Variants in LUZP2 observed in about 807,000 individuals in gnomAD.
The protein encoded by LUZP2 is leucine zipper protein 2.
A neutral mutation model predicts 51.6 loss-of-function variants in LUZP2; 52 were observed. That is an observed-to-expected ratio of 1.01 (90% CI 0.81 to 1.27). LUZP2 has a LOEUF of 1.27. LUZP2 is among the 50% of genes most tolerant of loss of function. The pLI is 0.00. For synonymous variants in LUZP2, 154 were observed against 137.3 expected (o/e 1.12, Z -0.85); for missense variants, 436 against 395.4 (o/e 1.10, Z -0.87).
intron 7 of LUZP2, among the ~76,000 whole-genome samples, chr11:24,922,535 T>C (rs1854091612): frequency 6.6e-6 from 1 of 152,198 alleles, no homozygotes; most frequent in Non-Finnish European, 1.5e-5. Flanking sequence ...AGCAAAATGC[T>C]TTTCAGTGCC....
intron 6 of LUZP2, among the ~76,000 whole-genome samples, chr11:24,906,916 C>CAAGTTA (rs1478111829): frequency 1.3e-5 from 2 of 152,160 alleles, no homozygotes; most frequent in Non-Finnish European, 2.9e-5. Context: ...GTTGCTTACA[C>CAAGTTA]AAGTTAAAAC....
At chr11:24,675,767 A>C (rs1590332577) in intron 1 of LUZP2, among the ~76,000 whole-genome samples, 4 of 145,296 alleles carry the variant, frequency 2.8e-5, no homozygotes, top group Admixed American at 6.9e-5. Flanking sequence ...TCTCCTAATT[A>C]GTTTTCATAT....
At chr11:25,012,860 C>T (rs537859090) in intron 9 of LUZP2, among the ~76,000 whole-genome samples, 3 of 152,188 alleles carry the variant, frequency 2.0e-5, no homozygotes, top group African/African-American at 7.2e-5. Context: ...ATATAGGCAT[C>T]GCACTACTGG....
At chr11:24,926,637 GTA>G (rs545404190) in intron 7 of LUZP2, among the ~76,000 whole-genome samples, 3,320 of 135,218 alleles carry the variant, frequency 0.025, 54 homozygotes, top group South Asian at 0.053. Context: ...GTGTATATAT[GTA>G]TATATATATA....
At chr11:24,501,495 T>C (rs971283458) in intron 1 of LUZP2, among the ~76,000 whole-genome samples, 8 of 152,196 alleles carry the variant, frequency 5.3e-5, no homozygotes, top group African/African-American at 1.9e-4. Flanking sequence ...CTGGTGTGTG[T>C]TATAAGAAAC....
In LUZP2 at chr11:24,517,316, TC is replaced by T. The variant is rs1413719482; in HGVS notation, c.62+20012del. On this transcript the variant is annotated intron_variant, in intron 1 of 11. Transcript: ENST00000336930. ...CTGGCTAACACAGTGAAACCCCGTCTCTACTAAACATACAAAAAGATTAGCT... is the reference window on the plus strand; with the variant it reads ...CTGGCTAACACAGTGAAACCCCGTCTTACTAAACATACAAAAAGATTAGCT... Among the ~76,000 whole-genome samples the T allele has an allele frequency of 3.3e-5, 5 of 151,456 alleles. No individual in the cohort carries two copies. In the South Asian group the frequency reaches 6.3e-4, roughly 19 times the overall value.
intron 7 of LUZP2, among the ~76,000 whole-genome samples, chr11:24,972,383 C>A (rs1000996152): frequency 3.3e-5 from 5 of 151,940 alleles, no homozygotes; most frequent in African/African-American, 1.2e-4. Context: ...TAATTTAATT[C>A]TCCCAACAAG....
At chr11:25,022,136 C>T (rs963045117) in intron 9 of LUZP2, among the ~76,000 whole-genome samples, 2 of 152,008 alleles carry the variant, frequency 1.3e-5, no homozygotes, top group Non-Finnish European at 2.9e-5. Flanking sequence ...ATTTTTAATG[C>T]CTTTGCTTGG....
intron 1 of LUZP2, among the ~76,000 whole-genome samples, chr11:24,680,340 G>A (rs546328296): frequency 5.3e-5 from 8 of 152,192 alleles, no homozygotes; most frequent in African/African-American, 1.9e-4. Flanking sequence ...ATGTCAGAAG[G>A]GTTTTACATT....
rs752904146 is a variant in LUZP2 at position 24,729,264 on chromosome 11, A to G, written c.158A>G (p.Asp53Gly). The G allele has an allele frequency of 3.9e-6, 6 of 1,552,338 alleles. No individual in the cohort carries two copies. The South Asian group carries it at 5.9e-5, about 15-fold the overall frequency. Reference sequence around the variant, plus strand: ...CTGACAAAGACATCAAGAGAACTTGATGGAATTAAAGTCAATCTTCAGGTG... The same window carrying G: ...CTGACAAAGACATCAAGAGAACTTGGTGGAATTAAAGTCAATCTTCAGGTG... ...RQLTKTSREL[D>G]GIKVNLQSLK... Residue 53 changes from aspartate (D) to glycine (G), a missense_variant, in exon 2 of 12, where the codon GAT becomes GGT. Asp to Gly is a moderately conservative substitution (Grantham distance 94). Coordinates refer to ENST00000336930, the MANE Select transcript of LUZP2 (RefSeq NM_001009909.4).
At chr11:24,897,990 C>A (rs1853139320) in intron 5 of LUZP2, among the ~76,000 whole-genome samples, 1 of 151,982 alleles carries the variant, frequency 6.6e-6, no homozygotes, top group Non-Finnish European at 1.5e-5. Context: ...TTGTATAGTA[C>A]ACTATGATAT....
intron 1 of LUZP2, among the ~76,000 whole-genome samples, chr11:24,595,502 G>A (rs1352758438): frequency 6.6e-6 from 1 of 152,132 alleles, no homozygotes; most frequent in Non-Finnish European, 1.5e-5. Flanking sequence ...TGCAGTCCAG[G>A]TTCTGCTGGA....
intron 10 of LUZP2, among the ~76,000 whole-genome samples, chr11:25,057,730 A>G (rs1858729080): frequency 6.6e-6 from 1 of 152,116 alleles, no homozygotes. Context: ...AAAAACAAGG[A>G]TGGCTTATGT....
intron 7 of LUZP2, among the ~76,000 whole-genome samples, chr11:24,948,416 C>T (rs1430672642): frequency 6.6e-6 from 1 of 151,498 alleles, no homozygotes; most frequent in African/African-American, 2.4e-5. Flanking sequence ...GCAATATCCA[C>T]CATGGGGCTT....
chr11:25,008,281 T>A (rs1213593486), intron 9 of LUZP2, among the ~76,000 whole-genome samples: 2 of 152,134 alleles, frequency 1.3e-5, no homozygotes, highest in Non-Finnish European at 2.9e-5. Context: ...GGTGGGTAGA[T>A]GAGGGAAAAG....
chr11:24,762,597 C>T (rs1860021218), intron 4 of LUZP2, among the ~76,000 whole-genome samples: 1 of 152,044 alleles, frequency 6.6e-6, no homozygotes, highest in African/African-American at 2.4e-5. Context: ...GTCTCAGTGA[C>T]TAGTGTACTC....
chr11:24,942,546 A>T (rs7484191), intron 7 of LUZP2, among the ~76,000 whole-genome samples: 56,616 of 151,950 alleles, frequency 0.37, 12,299 homozygotes, highest in East Asian at 0.72. Context: ...AATGAGAAAA[A>T]GTGTTTTATT....
At chr11:24,527,567 T>TCTCACACACACACA (rs796404136) in intron 1 of LUZP2, among the ~76,000 whole-genome samples, 54 of 131,644 alleles carry the variant, frequency 4.1e-4, no homozygotes, top group African/African-American at 1.5e-3. Flanking sequence ...TCTCTCTCTC[T>TCTCACACACACACA]CACACACACA....
chr11:24,950,911 A>T (rs933057967), intron 7 of LUZP2, among the ~76,000 whole-genome samples: 5 of 151,594 alleles, frequency 3.3e-5, no homozygotes, highest in African/African-American at 1.2e-4. Context: ...CAAGACATTG[A>T]TAAGAAAGTT....
Sources: gnomAD v4.1 joint callset for allele counts (sites outside exome capture counted in the v4.1 genomes callset) on GRCh38, gnomAD v4.1.1 for gene constraint, MANE v1.5 for transcripts, NCBI Gene and HGNC (gene_info 2026-07-23, HGNC 2026-07-21) for gene names.